Variants in DIP2A observed in about 807,000 individuals in gnomAD.
DIP2A encodes the protein DIP2 acetate--CoA ligase A, also known as disco-interacting protein 2 homolog A.
In DIP2A, 85 loss-of-function variants were observed where a neutral mutation model predicts 177.4. The ratio of observed to expected loss-of-function variants is 0.48; its 90% CI spans 0.40 to 0.57. The LOEUF (loss-of-function observed/expected upper bound fraction) is 0.57. Among genes scored for constraint, DIP2A ranks in the 20% least tolerant of loss-of-function variants. The pLI is 0.00. For synonymous variants in DIP2A, 886 were observed against 881.8 expected (o/e 1.00, Z -0.08); for missense variants, 1,791 against 2,100.2 (o/e 0.85, Z 2.88).
At chr21:46,511,712 A>C in intron 8 of DIP2A, 98 bp downstream of exon 8, 1 of 1,247,236 alleles carries the variant, frequency 8.0e-7, no homozygotes, top group Non-Finnish European at 1.1e-6. Flanking sequence ...TATTCCTGAG[A>C]AACCAGCACA....
At position 46,558,242 on chromosome 21, in the gene DIP2A, CAT is replaced by C. The variant is rs1378610243; in HGVS notation, c.3819_3820del (p.Val1275AlafsTer68). 2.5e-6 allele frequency: 4 copies of C among 1,612,510 alleles called. No homozygotes were observed. Among genetic ancestry groups the C allele is most frequent in the Non-Finnish European group, 2.5e-6 (3 of 1,179,686 alleles). On this transcript the variant is annotated frameshift_variant, in exon 32 of 38. Coordinates refer to ENST00000417564, the MANE Select transcript of DIP2A (RefSeq NM_015151.4). LOFTEE classifies it high-confidence loss of function. ...CCGCAGATGAAGGGGGTGAACCTGT[CAT>C]GTGTGCGCACGTGCATGGTGGTCGC...
rs2054627093 is a variant in DIP2A at position 46,464,568 on chromosome 21, T to C, written c.91+5346T>C. ...ACAGTTCCAGAGGATGGAAGTCCAATATTAAGGTACTAGCATCTAGCAAGG... is the reference window on the plus strand; with the variant it reads ...ACAGTTCCAGAGGATGGAAGTCCAACATTAAGGTACTAGCATCTAGCAAGG... On this transcript the variant is annotated intron_variant, in intron 1 of 37. Transcript: ENST00000417564. Among the ~76,000 whole-genome samples the C allele has an allele frequency of 3.9e-5, 6 of 152,236 alleles. No homozygotes were observed. The South Asian group carries it at 1.0e-3, about 26-fold the overall frequency.
chr21:46,558,195 G>C (rs779869155), intron 31 of DIP2A, 28 bp from the exon 32 acceptor site: 1 of 1,593,468 alleles, frequency 6.3e-7, no homozygotes, highest in Non-Finnish European at 8.5e-7. Flanking sequence ...AGCTGTGGCC[G>C]TGGCCTGACC....
chr21:46,569,446 T>C lies in DIP2A; in HGVS notation c.*1824T>C, dbSNP rs1013598914. ...TACAGAGGTTTGGGAAGTAGTCTAA[T>C]GGACATTCCTTACAATAGAATGGCT... On this transcript the variant is annotated 3_prime_UTR_variant, in exon 38 of 38. Coordinates refer to ENST00000417564, the MANE Select transcript of DIP2A (RefSeq NM_015151.4). 8 of 150,048 alleles carry C rather than the reference T, an allele frequency of 5.3e-5. No homozygotes were observed. The highest frequency in any genetic ancestry group is 5.3e-4 in the Admixed American group (8 of 15,014). 9.3% of individuals were successfully genotyped at this position (150,048 alleles called of 1,614,324 possible).
At chr21:46,575,917 C>T in the DIP2A span, among the ~76,000 whole-genome samples, 1 of 152,070 alleles carries the variant, frequency 6.6e-6, no homozygotes, top group African/African-American at 2.4e-5. Context: ...GATATAGAAT[C>T]TAAAGACACT....
In DIP2A at chr21:46,557,087, G is replaced by C; in HGVS notation, c.3629+18G>C. The C allele has an allele frequency of 1.3e-6, 2 of 1,586,302 alleles. No individual in the cohort carries two copies. Among genetic ancestry groups the C allele is most frequent in the Non-Finnish European group, 1.7e-6 (2 of 1,163,614 alleles). On this transcript the variant is annotated intron_variant, in intron 30 of 37. Coordinates refer to ENST00000417564, the MANE Select transcript of DIP2A (RefSeq NM_015151.4). The surrounding 1 kb of genome is among the most constrained non-coding windows in gnomAD (Gnocchi z 6.0). ...CTGTGCAGGTGAGTGCAGGGCCCCT[G>C]CTGCCTGCCAGGTGGGAGCAGCTCG...
In DIP2A at chr21:46,567,329, G is replaced by A. The variant is rs1297200771; in HGVS notation, c.4464-41G>A. The A allele has an allele frequency of 2.5e-6, 4 of 1,587,128 alleles. No individual in the cohort carries two copies. The South Asian group carries it at 4.6e-5, about 18-fold the overall frequency. The stretch of plus-strand genomic sequence containing the variant: ...AAGCATTCATTGGCCCCTGTGACCT[G>A]TGCCTGTATCCATGTGACCCAGTCT... On this transcript the variant is annotated intron_variant, in intron 37 of 37. Coordinates refer to ENST00000417564, the MANE Select transcript of DIP2A (RefSeq NM_015151.4).
intron 1 of DIP2A, among the ~76,000 whole-genome samples, chr21:46,481,001 G>A (rs1816187380): frequency 6.6e-6 from 1 of 152,172 alleles, no homozygotes; most frequent in Non-Finnish European, 1.5e-5. Flanking sequence ...GAAGTTGGAG[G>A]CTGCAGTAAG....
At chr21:46,576,378 G>A in the DIP2A span, among the ~76,000 whole-genome samples, 14 of 152,196 alleles carry the variant, frequency 9.2e-5, no homozygotes, top group African/African-American at 2.6e-4. Context: ...TGTGGTGTTT[G>A]GTTTTCTGTT....
At chr21:46,483,561 C>T (rs557513701) in intron 1 of DIP2A, among the ~76,000 whole-genome samples, 8 of 152,178 alleles carry the variant, frequency 5.3e-5, no homozygotes, top group Non-Finnish European at 8.8e-5. Context: ...GCCCACAGGC[C>T]GTGGCTCAGG....
rs780522817 is a variant in DIP2A at position 46,568,799 on chromosome 21, A to G, written c.*1177A>G. On this transcript the variant is annotated 3_prime_UTR_variant, in exon 38 of 38. Transcript: ENST00000417564. ...CATTGTGGTAAAGTCTAAGGTTTTC[A>G]TATCCATAGTGCTGTTTGGTGAGTA... 1 of 152,220 alleles carries G rather than the reference A, an allele frequency of 6.6e-6. No homozygotes were observed. The highest frequency in any genetic ancestry group is 1.5e-5 in the Non-Finnish European group (1 of 68,050). The allele number at this position is 152,220 out of a possible 1,614,324, so 9.4% of individuals were successfully genotyped here.
At chr21:46,474,927 TGTG>T (rs1040453175) in intron 1 of DIP2A, among the ~76,000 whole-genome samples, 1 of 152,134 alleles carries the variant, frequency 6.6e-6, no homozygotes, top group African/African-American at 2.4e-5. Flanking sequence ...TGAACAAAGT[TGTG>T]GAGGAGGATG....
At position 46,567,624 on chromosome 21, in the gene DIP2A, C is replaced by G; in HGVS notation, c.*2C>G. 1 of 1,577,696 alleles carries G rather than the reference C, an allele frequency of 6.3e-7. No homozygotes were observed. The highest frequency in any genetic ancestry group is 8.6e-7 in the Non-Finnish European group (1 of 1,159,592). Reference sequence around the variant, plus strand: ...ATCTATGTCGCCTACAACATGTGAGCGCAGCACACCGGCCCAGGTGCCGGA... The same window carrying G: ...ATCTATGTCGCCTACAACATGTGAGGGCAGCACACCGGCCCAGGTGCCGGA... On this transcript the variant is annotated 3_prime_UTR_variant, in exon 38 of 38. Transcript: ENST00000417564.
Position 46,557,525 on chromosome 21 carries a change from A to G in DIP2A, c.3630-60A>G. 6.5e-7 allele frequency: 1 copy of G among 1,540,128 alleles called. No homozygotes were observed. The highest frequency in any genetic ancestry group is 8.8e-7 in the Non-Finnish European group (1 of 1,134,776). ...AAGAAGTGTTCTTGAGGAAGGGAAG[A>G]GTGGAGTGCCCAGGGTGCTGGGTGG... On this transcript the variant is annotated intron_variant, in intron 30 of 37. Transcript: ENST00000417564. This position sits in a 1 kb window ranked among gnomAD's most constrained non-coding sequence, Gnocchi z 6.0.
intron 25 of DIP2A, 131 bp downstream of exon 25, chr21:46,552,035 C>A: frequency 9.2e-7 from 1 of 1,090,742 alleles, no homozygotes; most frequent in South Asian, 1.4e-5. Context: ...TGGACTCAGC[C>A]CCCGTCCTGG....
intron 32 of DIP2A, chr21:46,558,638 G>GT (rs947565772): frequency 1.3e-5 from 7 of 543,510 alleles, no homozygotes; most frequent in African/African-American, 1.1e-4. Context: ...ACTAATAACT[G>GT]TAAGACTCTC....
chr21:46,541,914 G>A lies in DIP2A; in HGVS notation c.2176+19G>A, dbSNP rs765231081. On this transcript the variant is annotated intron_variant, in intron 18 of 37. Transcript: ENST00000417564. ...CCTGGAGGTAAGAGACATAACCAGAGTGGGTCTTTGTCCATGACTGATTGA... is the reference window on the plus strand; with the variant it reads ...CCTGGAGGTAAGAGACATAACCAGAATGGGTCTTTGTCCATGACTGATTGA... 5 of 1,613,940 alleles carry A rather than the reference G, an allele frequency of 3.1e-6. No individual in the cohort carries two copies. Among genetic ancestry groups the A allele is most frequent in the South Asian group, 1.1e-5 (1 of 91,080 alleles).
At chr21:46,474,193 C>T (rs1214596977) in intron 1 of DIP2A, among the ~76,000 whole-genome samples, 1 of 152,142 alleles carries the variant, frequency 6.6e-6, no homozygotes, top group African/African-American at 2.4e-5. Flanking sequence ...AAACACCTGT[C>T]TGGGAGATGA....
rs563193616 is a variant in DIP2A, at chr21:46,549,306, G to A, written c.2523-465G>A. On this transcript the variant is annotated intron_variant, in intron 21 of 37. Transcript: ENST00000417564. ...GATATCAACTCAAAGTCTAAAAGAA[G>A]GAAAAGGCAACACAGAAAAAAGGAG... Among the ~76,000 whole-genome samples the A allele has an allele frequency of 9.9e-5, 15 of 152,170 alleles. No homozygotes were observed. The South Asian group carries it at 3.1e-3, about 32-fold the overall frequency.
Sources: allele counts gnomAD v4.1 joint callset (sites outside exome capture counted in the v4.1 genomes callset), GRCh38; gene constraint gnomAD v4.1.1; non-coding constraint Gnocchi (gnomAD v3.1); transcripts MANE v1.5; gene names NCBI Gene and HGNC (gene_info 2026-07-23, HGNC 2026-07-21).